AOAH: variants seen among roughly 807,000 people sequenced by gnomAD.
AOAH encodes acyloxyacyl hydrolase.
AOAH carries 64 observed loss-of-function variants against 92.2 expected under a neutral mutation model. The observed-to-expected ratio is 0.69, with a 90% CI of 0.57 to 0.86. The LOEUF is 0.86. Among genes scored for constraint, AOAH ranks in the 40% least tolerant of loss-of-function variants. The pLI is 0.00. For missense variants in AOAH, 656 were observed against 694.6 expected (o/e 0.94, Z 0.62); for synonymous variants, 263 against 254.5 (o/e 1.03, Z -0.32).
intron 5 of AOAH, among the ~76,000 whole-genome samples, chr7:36,635,568 T>C (rs1388265326): frequency 6.6e-6 from 1 of 152,170 alleles, no homozygotes; most frequent in Non-Finnish European, 1.5e-5. Flanking sequence ...GATGATTCTA[T>C]TGAGCGGGTG....
intron 1 of AOAH, 25 bp from the exon 2 acceptor site, chr7:36,686,819 A>G: frequency 6.8e-7 from 1 of 1,472,708 alleles, no homozygotes; most frequent in Non-Finnish European, 9.1e-7. Flanking sequence ...AAGAACATGT[A>G]ATCTGTGTCA....
chr7:36,574,037 G>A (rs191735612), intron 13 of AOAH, among the ~76,000 whole-genome samples: 41 of 152,176 alleles, frequency 2.7e-4, no homozygotes, highest in African/African-American at 7.7e-4. Context: ...ACATTGCTGC[G>A]TAATATCAAA....
At chr7:36,576,478 A>T in intron 13 of AOAH, 96 bp downstream of exon 13, 1 of 727,452 alleles carries the variant, frequency 1.4e-6, no homozygotes, top group South Asian at 2.2e-5. Context: ...TTATTCTGTG[A>T]TCCTTGTTAT....
At chr7:36,627,076 C>T (rs1467560261) in intron 6 of AOAH, among the ~76,000 whole-genome samples, 1 of 151,974 alleles carries the variant, frequency 6.6e-6, no homozygotes, top group East Asian at 1.9e-4. Context: ...TTTGGGAGTC[C>T]CTGCTGTGTG....
At chr7:36,529,212 T>C (rs1156738339) in intron 19 of AOAH, among the ~76,000 whole-genome samples, 2 of 151,746 alleles carry the variant, frequency 1.3e-5, no homozygotes, top group Admixed American at 6.6e-5. Flanking sequence ...ATGACAGAGC[T>C]AGTGATCACT....
At chr7:36,591,259 G>A (rs1261140793) in intron 12 of AOAH, among the ~76,000 whole-genome samples, 6 of 152,310 alleles carry the variant, frequency 3.9e-5, no homozygotes, top group African/African-American at 1.4e-4. Context: ...GTTCCTGCAG[G>A]GGAGGTGAAC....
At chr7:36,701,282 A>G (rs1179715711) in intron 1 of AOAH, among the ~76,000 whole-genome samples, 1 of 151,890 alleles carries the variant, frequency 6.6e-6, no homozygotes, top group Non-Finnish European at 1.5e-5. Context: ...TGTTCTGTAG[A>G]TGTTAGGTGG....
chr7:36,673,619 G>A (rs1796062285), intron 3 of AOAH, among the ~76,000 whole-genome samples: 1 of 152,188 alleles, frequency 6.6e-6, no homozygotes, highest in East Asian at 1.9e-4. Context: ...CTGGGAGTAG[G>A]GAGGCGGAGA....
At chr7:36,681,260 A>G (rs1796625170) in intron 2 of AOAH, among the ~76,000 whole-genome samples, 1 of 152,232 alleles carries the variant, frequency 6.6e-6, no homozygotes, top group Non-Finnish European at 1.5e-5. Flanking sequence ...ATACAAAGTA[A>G]AGCTTATAAC....
intron 4 of AOAH, among the ~76,000 whole-genome samples, chr7:36,641,094 C>T (rs1285878601): frequency 1.3e-5 from 2 of 152,200 alleles, no homozygotes; most frequent in Admixed American, 1.3e-4. Context: ...AGTATACATC[C>T]TCCCTACTTT....
chr7:36,684,862 T>G lies in AOAH; in HGVS notation c.223+1837A>C, dbSNP rs564811556. 1.0e-3 allele frequency among the ~76,000 whole-genome samples: 121 copies of G among 119,386 alleles called. 1 individual carries two copies. Among genetic ancestry groups the G allele is most frequent in the African/African-American group, 3.9e-3 (118 of 30,406 alleles). The allele number at this position is 119,386 out of a possible 152,430, so 78.3% of individuals were successfully genotyped here. ...TCTCATGAGCCCGGGAGGTCAAGGC[T>G]GCAGTGAGCAGTTCACCCTGGGCGA... On this transcript the variant is annotated intron_variant, in intron 2 of 20. Transcript: ENST00000617537.
chr7:36,548,777 T>C (rs1785979058), intron 14 of AOAH, 91 bp from the exon 15 acceptor site: 2 of 1,152,244 alleles, frequency 1.7e-6, no homozygotes, highest in East Asian at 4.8e-5. Context: ...AAAACAATCT[T>C]GGTATGACCA....
intron 1 of AOAH, among the ~76,000 whole-genome samples, chr7:36,710,881 C>T (rs1798725178): frequency 8.0e-6 from 1 of 125,546 alleles, no homozygotes; most frequent in Non-Finnish European, 1.7e-5. Context: ...CTTTTGTGTC[C>T]TTGCTATGTA....
chr7:36,722,342 G>C (rs1390085479), intron 1 of AOAH, among the ~76,000 whole-genome samples: 4 of 152,102 alleles, frequency 2.6e-5, no homozygotes. Flanking sequence ...TGTACCTCCT[G>C]TCCATTTTAC....
chr7:36,657,249 A>G (rs1794947765), intron 4 of AOAH, among the ~76,000 whole-genome samples: 1 of 152,302 alleles, frequency 6.6e-6, no homozygotes, highest in South Asian at 2.1e-4. Context: ...AGCTCAACCA[A>G]TCTCTGAGTA....
intron 3 of AOAH, among the ~76,000 whole-genome samples, chr7:36,673,597 G>A (rs1362726907): frequency 1.3e-5 from 2 of 152,156 alleles, no homozygotes; most frequent in East Asian, 1.9e-4. Context: ...GTGATAATGC[G>A]AGGAGCAAGG....
At chr7:36,694,033 A>G (rs983480088) in intron 1 of AOAH, among the ~76,000 whole-genome samples, 2 of 152,192 alleles carry the variant, frequency 1.3e-5, no homozygotes, top group Admixed American at 1.3e-4. Context: ...TAAACTGACA[A>G]TTTCATTAAG....
At chr7:36,721,615 CA>C (rs1356887854) in intron 1 of AOAH, among the ~76,000 whole-genome samples, 1 of 152,262 alleles carries the variant, frequency 6.6e-6, no homozygotes, top group African/African-American at 2.4e-5. Context: ...CAGAGTTAAC[CA>C]GAAGAAGTTG....
At chr7:36,513,455 C>T (rs1036054081) in intron 20 of AOAH, 75 bp from the exon 21 acceptor site, 77 of 1,494,780 alleles carry the variant, frequency 5.2e-5, no homozygotes, top group Non-Finnish European at 6.9e-5. Flanking sequence ...TTCCCACGTG[C>T]TTTCTGCCAG....
Sources: allele counts gnomAD v4.1 joint callset (sites outside exome capture counted in the v4.1 genomes callset), GRCh38; gene constraint gnomAD v4.1.1; transcripts MANE v1.5; gene names NCBI Gene and HGNC (gene_info 2026-07-23, HGNC 2026-07-21).